Variants in ATP2B2 observed in about 807,000 individuals in gnomAD.
ATP2B2 encodes the protein plasma membrane calcium-transporting ATPase 2.
In ATP2B2, 15 loss-of-function variants were observed where a neutral mutation model predicts 120.0. The ratio of observed to expected loss-of-function variants is 0.12; its 90% CI spans 0.08 to 0.19. The LOEUF (loss-of-function observed/expected upper bound fraction) is 0.19. Ranked by LOEUF, ATP2B2 falls within the 10% of genes least tolerant of loss-of-function variation. The pLI is 1.00. For synonymous variants in ATP2B2, 694 were observed against 700.3 expected (o/e 0.99, Z 0.14); for missense variants, 1,045 against 1,719.8 (o/e 0.61, Z 6.94).
Position 10,343,364 on chromosome 3 carries a change from C to A in ATP2B2, c.2704-399G>T, listed in dbSNP as rs1471974208. 6.6e-6 allele frequency among the ~76,000 whole-genome samples: 1 copy of A among 151,788 alleles called. No homozygotes were observed. Among genetic ancestry groups the A allele is most frequent in the Non-Finnish European group, 1.5e-5 (1 of 67,926 alleles). ...CTCCTCCCCCCACTGCCTCCTCCCC[C>A]TCGGGCTTTCTATCCTACAAACAGT... On this transcript the variant is annotated intron_variant, in intron 18 of 22. Transcript: ENST00000360273. The surrounding 1 kb of genome is among the most constrained non-coding windows in gnomAD (Gnocchi z 4.2).
intron 2 of ATP2B2, among the ~76,000 whole-genome samples, chr3:10,421,250 T>A (rs2062970068): frequency 6.6e-6 from 1 of 152,188 alleles, no homozygotes; most frequent in Non-Finnish European, 1.5e-5. Context: ...TGGGGCTTAT[T>A]GCTGAGGCCT....
intron 8 of ATP2B2, among the ~76,000 whole-genome samples, chr3:10,381,905 GACCAC>G (rs1243153326): frequency 6.6e-6 from 1 of 152,162 alleles, no homozygotes; most frequent in Non-Finnish European, 1.5e-5. Flanking sequence ...TGGGGAGAGA[GACCAC>G]TACCTGGGAG....
intron 14 of ATP2B2, among the ~76,000 whole-genome samples, chr3:10,355,791 C>CTTTGTGCGTGT: frequency 1.1e-5 from 1 of 92,522 alleles, no homozygotes; most frequent in African/African-American, 3.7e-5. Flanking sequence ...TTGTCCTTTC[C>CTTTGTGCGTGT]GGCCGGGCGC....
chr3:10,649,966 C>T lies in ATP2B2; in HGVS notation c.-459-30005G>A, dbSNP rs114963907. On this transcript the variant is annotated intron_variant, in intron 1 of 21. Transcript: ENST00000646379. ...GGACGTCTTTCTTCTGTGAATTTCC[C>T]AGTCTCGGGTATGCCAATAAAGATC... Among the ~76,000 whole-genome samples, 673 of 152,310 alleles carry T rather than the reference C, an allele frequency of 4.4e-3. 3 individuals are homozygous for T. Among genetic ancestry groups the T allele is most frequent in the African/African-American group, 0.015 (637 of 41,548 alleles).
At chr3:10,466,133 C>G (rs1379360185) in intron 1 of ATP2B2, among the ~76,000 whole-genome samples, 1 of 152,222 alleles carries the variant, frequency 6.6e-6, no homozygotes, top group Non-Finnish European at 1.5e-5. Flanking sequence ...GGAGTTCACT[C>G]TCTTTGTCCA....
chr3:10,647,493 G>A (rs1463316185), intron 1 of ATP2B2, among the ~76,000 whole-genome samples: 1 of 152,218 alleles, frequency 6.6e-6, no homozygotes, highest in Non-Finnish European at 1.5e-5. Flanking sequence ...GGATGGCTGG[G>A]ACTGGTCCCC....
chr3:10,703,805 T>C (rs890182285), intron 1 of ATP2B2, among the ~76,000 whole-genome samples: 1 of 152,232 alleles, frequency 6.6e-6, no homozygotes, highest in Non-Finnish European at 1.5e-5. Flanking sequence ...AGTGAATGAC[T>C]GGCCCATGAG....
At chr3:10,615,616 C>A (rs1168223160) in intron 2 of ATP2B2, among the ~76,000 whole-genome samples, 1 of 152,184 alleles carries the variant, frequency 6.6e-6, no homozygotes, top group Non-Finnish European at 1.5e-5. Context: ...TCAAGGTCCA[C>A]AGAGGTGAAG....
chr3:10,421,060 C>T (rs1345764326), intron 2 of ATP2B2, among the ~76,000 whole-genome samples: 5 of 152,298 alleles, frequency 3.3e-5, no homozygotes, highest in African/African-American at 1.2e-4. Context: ...CCCACCCAGA[C>T]CTACTGAGTC....
At chr3:10,693,704 G>A (rs1228993378) in intron 1 of ATP2B2, among the ~76,000 whole-genome samples, 1 of 152,178 alleles carries the variant, frequency 6.6e-6, no homozygotes, top group East Asian at 1.9e-4. Flanking sequence ...CCTCTTGTGG[G>A]GCAATCACTA....
At chr3:10,415,981 G>A (rs947869809) in intron 2 of ATP2B2, among the ~76,000 whole-genome samples, 11 of 152,142 alleles carry the variant, frequency 7.2e-5, no homozygotes, top group Non-Finnish European at 1.5e-4. Context: ...TTCACCCCTC[G>A]GAGACTCAGT....
At position 10,328,535 on chromosome 3, in the gene ATP2B2, G is replaced by C; in HGVS notation, c.*279C>G. ...GCGGGTGCATGGCTGGTCCATGTCT[G>C]GGTGGGAGCCAGGAAGGGCTTGTTT... On this transcript the variant is annotated 3_prime_UTR_variant, in exon 23 of 23. Transcript: ENST00000360273. 1.9e-4 allele frequency: 81 copies of C among 430,598 alleles called. No homozygotes were observed. Among genetic ancestry groups the C allele is most frequent in the Middle Eastern group, 6.3e-4 (1 of 1,586 alleles). 26.7% of individuals were successfully genotyped at this position (430,598 alleles called of 1,614,324 possible). A position where few individuals can be genotyped will look rare whatever the true frequency, so the allele number is the denominator to read the frequency against.
At chr3:10,672,562 G>A (rs555632498) in intron 1 of ATP2B2, among the ~76,000 whole-genome samples, 9 of 152,174 alleles carry the variant, frequency 5.9e-5, no homozygotes, top group African/African-American at 1.9e-4. Context: ...TAATTATTAC[G>A]CATGCCATTC....
At chr3:10,433,373 T>C (rs773339802) in intron 2 of ATP2B2, among the ~76,000 whole-genome samples, 2 of 152,192 alleles carry the variant, frequency 1.3e-5, no homozygotes, top group Admixed American at 6.5e-5. Flanking sequence ...CTGACAGCTC[T>C]AGGCTCTAAC....
intron 1 of ATP2B2, among the ~76,000 whole-genome samples, chr3:10,480,625 C>G (rs1015414477): frequency 2.6e-5 from 4 of 152,212 alleles, no homozygotes; most frequent in Admixed American, 1.3e-4. Flanking sequence ...CTTTTGTCAG[C>G]ACCCGCAGCC....
chr3:10,343,019 G>T lies in ATP2B2; in HGVS notation c.2704-54C>A, dbSNP rs530619478. 1.3e-6 allele frequency: 2 copies of T among 1,580,752 alleles called. No individual in the cohort carries two copies. Among genetic ancestry groups the T allele is most frequent in the East Asian group, 2.2e-5 (1 of 44,652 alleles). On this transcript the variant is annotated intron_variant, in intron 18 of 22. Coordinates refer to ENST00000360273, the MANE Select transcript of ATP2B2 (RefSeq NM_001001331.4). This position sits in a 1 kb window ranked among gnomAD's most constrained non-coding sequence, Gnocchi z 4.2. ...CTGTGCGCCCACCTGCTGCTGTGAA[G>T]TGCTGGGCGGGCTCATGGTGTAGTG...
chr3:10,617,460 G>C (rs1339778494), intron 2 of ATP2B2, among the ~76,000 whole-genome samples: 8 of 152,234 alleles, frequency 5.3e-5, no homozygotes, highest in Non-Finnish European at 1.0e-4. Flanking sequence ...CTTCAGGTGA[G>C]AGCCTGGTTA....
At chr3:10,517,174 C>T (rs372631274) in intron 3 of ATP2B2, among the ~76,000 whole-genome samples, 7 of 152,320 alleles carry the variant, frequency 4.6e-5, no homozygotes, top group Non-Finnish European at 1.0e-4. Context: ...CCTGCCAGCT[C>T]GGTGCAGGCC....
rs372159079 is a variant in ATP2B2, at chr3:10,683,748, A to ATGTGTGTGTG, written c.-460+24157_-460+24166dup. ...TGTGTGTATATATATGTGTATATAT[A>ATGTGTGTGTG]TGTGTGTGTGTGTATATATATATAT... On this transcript the variant is annotated intron_variant, in intron 1 of 21. Coordinates refer to the ATP2B2 transcript ENST00000646379. 5.5e-3 allele frequency among the ~76,000 whole-genome samples: 314 copies of ATGTGTGTGTG among 57,312 alleles called. 13 individuals carry two copies. The highest frequency in any genetic ancestry group is 0.014 in the South Asian group (17 of 1,230). The allele number at this position is 57,312 out of a possible 152,430, so 37.6% of individuals were successfully genotyped here. A position where few individuals can be genotyped will look rare whatever the true frequency, so the allele number is the denominator to read the frequency against.
Sources: allele counts gnomAD v4.1 joint callset (sites outside exome capture counted in the v4.1 genomes callset), GRCh38; gene constraint gnomAD v4.1.1; non-coding constraint Gnocchi (gnomAD v3.1); transcripts MANE v1.5; gene names NCBI Gene and HGNC (gene_info 2026-07-23, HGNC 2026-07-21).